Variants in CHIC1 observed in about 807,000 individuals in gnomAD.
CHIC1 encodes the protein cysteine rich hydrophobic domain 1, also known as cysteine-rich hydrophobic domain-containing protein 1.
CHIC1 carries 7 observed loss-of-function variants against 18.5 expected under a neutral mutation model. That is an observed-to-expected ratio of 0.38 (90% CI 0.22 to 0.71). The LOEUF is 0.71. Ranked by LOEUF, CHIC1 falls within the 30% of genes least tolerant of loss-of-function variation. The pLI, the probability that CHIC1 is intolerant of heterozygous loss-of-function variation, is 0.49. For missense variants in CHIC1, 159 were observed against 176.9 expected (o/e 0.90, Z 0.57); for synonymous variants, 77 against 73.5 (o/e 1.05, Z -0.25).
intron 3 of CHIC1, among the ~76,000 whole-genome samples, chrX:73,593,261 T>C (rs1276431929): frequency 9.0e-6 from 1 of 111,384 alleles, no homozygotes; most frequent in Admixed American, 9.6e-5. Flanking sequence ...TGTTTTTGTT[T>C]TTCTAGTTCC....
In CHIC1 at chrX:73,572,070, A is replaced by G. The variant is rs776239712; in HGVS notation, c.297-5337A>G. ...TGAACCCATCACCCAGGTGGTGAGC[A>G]TAGTACCCAATAGGTAGTTTTACAA... is the stretch of plus-strand genomic sequence containing the variant. On this transcript the variant is annotated intron_variant, in intron 1 of 5. Transcript: ENST00000373502. 2.0e-4 allele frequency among the ~76,000 whole-genome samples: 22 copies of G among 111,058 alleles called. No homozygotes were observed. In the South Asian group the frequency reaches 6.0e-3, roughly 30 times the overall value.
At chrX:73,620,624 T>TA (rs200616178) in intron 3 of CHIC1, among the ~76,000 whole-genome samples, 5,285 of 111,818 alleles carry the variant, frequency 0.047, 317 homozygotes, top group African/African-American at 0.16. Context: ...GGATAGATGC[T>TA]AAATTTTTCT....
At chrX:73,648,190 A>G (rs941101213) in intron 3 of CHIC1, among the ~76,000 whole-genome samples, 1 of 109,903 alleles carries the variant, frequency 9.1e-6, no homozygotes, top group Non-Finnish European at 1.9e-5. Flanking sequence ...GTACCAACAA[A>G]AACCCCAAGG....
At chrX:73,678,405 G>A (rs1006332388) in intron 3 of CHIC1, among the ~76,000 whole-genome samples, 1 of 112,227 alleles carries the variant, frequency 8.9e-6, no homozygotes, top group African/African-American at 3.2e-5. Context: ...AGCAGGCCCT[G>A]GGTGGGCCAG....
At chrX:73,654,646 A>G (rs1301431459) in intron 3 of CHIC1, among the ~76,000 whole-genome samples, 2 of 111,909 alleles carry the variant, frequency 1.8e-5, no homozygotes, top group Non-Finnish European at 3.8e-5. Context: ...TTCAGCCATA[A>G]AGCCATCCAC....
At chrX:73,661,062 C>T (rs772910011) in intron 3 of CHIC1, among the ~76,000 whole-genome samples, 4 of 111,062 alleles carry the variant, frequency 3.6e-5, no homozygotes, top group Non-Finnish European at 7.5e-5. Context: ...TATGGCCTGT[C>T]CTTGGGGGTT....
At chrX:73,597,386 T>C (rs1285702196) in intron 3 of CHIC1, among the ~76,000 whole-genome samples, 1 of 110,291 alleles carries the variant, frequency 9.1e-6, no homozygotes, top group Non-Finnish European at 1.9e-5. Context: ...TGTTAATCTC[T>C]TATCAAATAT....
Position 73,563,544 on chromosome X carries a change from A to G in CHIC1, c.260A>G (p.Asp87Gly). Residue 87 changes from aspartate to glycine, a missense_variant, in exon 1 of 6, where the codon GAC becomes GGC. Physicochemically the swap from Asp to Gly is moderately conservative, Grantham distance 94 (BLOSUM62 -1). Coordinates refer to ENST00000373502, the MANE Select transcript of CHIC1 (RefSeq NM_001039840.4). The part of the protein sequence containing the change: ...SEEHLRRYAP[D>G]PVLVRGAGHI... ...GAGCATCTGCGGAGATATGCTCCCG[A>G]CCCTGTATTAGTGCGGGGTGCCGGC... The G allele has an allele frequency of 8.9e-7, 1 of 1,124,094 alleles. No individual in the cohort carries two copies. 92.6% of individuals were successfully genotyped at this position (1,124,094 alleles called of 1,213,427 possible).
chrX:73,635,786 C>A (rs747782962), intron 3 of CHIC1, among the ~76,000 whole-genome samples: 7 of 111,541 alleles, frequency 6.3e-5, no homozygotes, highest in Admixed American at 4.8e-4. Flanking sequence ...TTTTGTTTAT[C>A]TTTTTCAATA....
chrX:73,613,740 G>A (rs1053521684), intron 3 of CHIC1, among the ~76,000 whole-genome samples: 2 of 111,278 alleles, frequency 1.8e-5, no homozygotes, highest in African/African-American at 6.5e-5. Context: ...ATTGGTAGAT[G>A]AGAGCTTATT....
intron 3 of CHIC1, among the ~76,000 whole-genome samples, chrX:73,587,560 T>G: frequency 9.0e-6 from 1 of 111,547 alleles, no homozygotes; most frequent in Non-Finnish European, 1.9e-5. Context: ...ATATGATGTT[T>G]TAGGAGATAG....
At chrX:73,633,239 C>A (rs142116782) in intron 3 of CHIC1, among the ~76,000 whole-genome samples, 1 of 108,067 alleles carries the variant, frequency 9.3e-6, no homozygotes, top group Admixed American at 9.9e-5. Context: ...CCCACTGCCC[C>A]CCCACATTTG....
rs1297670783 is a variant in CHIC1, at chrX:73,686,430, G to A, written c.*5425G>A. ...CACACACATATAGGATTACAAATGT[G>A]GAAAATGTTATAATGTCATATTCTA... is the stretch of plus-strand genomic sequence containing the variant. On this transcript the variant is annotated 3_prime_UTR_variant, in exon 6 of 6. Transcript: ENST00000373502. 1 of 111,078 alleles carries A rather than the reference G, an allele frequency of 9.0e-6. No individual in the cohort carries two copies. Among genetic ancestry groups the A allele is most frequent in the Non-Finnish European group, 1.9e-5 (1 of 52,798 alleles). 9.2% of individuals were successfully genotyped at this position (111,078 alleles called of 1,213,427 possible).
At chrX:73,588,977 T>C (rs1469525980) in intron 3 of CHIC1, among the ~76,000 whole-genome samples, 1 of 110,525 alleles carries the variant, frequency 9.0e-6, no homozygotes, top group Admixed American at 9.6e-5. Context: ...TTGTCAAATT[T>C]CTTTTCAAAG....
intron 3 of CHIC1, among the ~76,000 whole-genome samples, chrX:73,674,498 T>G (rs929067444): frequency 8.9e-6 from 1 of 112,408 alleles, no homozygotes. Flanking sequence ...CCCTTTCTTC[T>G]AGATTTTCTA....
In CHIC1 at chrX:73,662,457, C is replaced by T. The variant is rs193274598; in HGVS notation, c.508-16869C>T. Among the ~76,000 whole-genome samples, 299 of 101,050 alleles carry T rather than the reference C, an allele frequency of 3.0e-3. 1 individual carries two copies. The highest frequency in any genetic ancestry group is 5.0e-3 in the Non-Finnish European group (253 of 50,139). The allele number at this position is 101,050 out of a possible 115,157, so 87.7% of individuals were successfully genotyped here. On this transcript the variant is annotated intron_variant, in intron 3 of 5. Coordinates refer to ENST00000373502, the MANE Select transcript of CHIC1 (RefSeq NM_001039840.4). ...TGAACTGAATATTGTGGATCTTATG[C>T]GATCTAGTTGCCTCTGAGAAATAGC...
chrX:73,677,059 C>G (rs1453510988), intron 3 of CHIC1, among the ~76,000 whole-genome samples: 1 of 111,541 alleles, frequency 9.0e-6, no homozygotes, highest in African/African-American at 3.3e-5. Context: ...TGTTGGTGAA[C>G]TGCAAGTGCT....
At chrX:73,637,846 T>G (rs980755906) in intron 3 of CHIC1, among the ~76,000 whole-genome samples, 6 of 111,968 alleles carry the variant, frequency 5.4e-5, no homozygotes, top group Admixed American at 2.9e-4. Context: ...AAGTGCAATG[T>G]CTGAACTTTC....
chrX:73,614,354 T>C (rs1287512330), intron 3 of CHIC1, among the ~76,000 whole-genome samples: 1 of 111,482 alleles, frequency 9.0e-6, no homozygotes, highest in Non-Finnish European at 1.9e-5. Flanking sequence ...AGGGGACTTC[T>C]TTGAATGGTA....
Sources: gnomAD v4.1 joint callset for allele counts (sites outside exome capture counted in the v4.1 genomes callset) on GRCh38, gnomAD v4.1.1 for gene constraint, MANE v1.5 for transcripts, NCBI Gene and HGNC (gene_info 2026-07-23, HGNC 2026-07-21) for gene names.